The following L2HGDH variants were observed in gnomAD, a reference collection of about 807,000 sequenced individuals.
The protein encoded by L2HGDH is L-2-hydroxyglutarate dehydrogenase, also known as L-2-hydroxyglutarate dehydrogenase, mitochondrial.
L2HGDH carries 34 observed loss-of-function variants against 51.5 expected under a neutral mutation model. The ratio of observed to expected loss-of-function variants is 0.66; its 90% CI spans 0.50 to 0.88. L2HGDH has a LOEUF of 0.88. Among genes scored for constraint, L2HGDH ranks in the 40% least tolerant of loss-of-function variants. L2HGDH has a pLI of 0.00. For missense variants in L2HGDH, 558 were observed against 571.9 expected (o/e 0.98, Z 0.25); for synonymous variants, 198 against 197.9 (o/e 1.00, Z -0.01).
chr14:50,249,169 C>T (rs1888187256), intron 9 of L2HGDH, among the ~76,000 whole-genome samples: 1 of 152,132 alleles, frequency 6.6e-6, no homozygotes, highest in Admixed American at 6.5e-5. Context: ...CTTGAGTTTC[C>T]CTGCAAGCCT....
intron 1 of L2HGDH, among the ~76,000 whole-genome samples, chr14:50,304,822 G>A (rs1164210907): frequency 2.0e-5 from 3 of 151,952 alleles, no homozygotes; most frequent in Non-Finnish European, 2.9e-5. Context: ...GCGACAGAGC[G>A]AGACTCTGTC....
chr14:50,274,708 T>G (rs989845021), intron 6 of L2HGDH, among the ~76,000 whole-genome samples: 2 of 152,126 alleles, frequency 1.3e-5, no homozygotes, highest in African/African-American at 4.8e-5. Flanking sequence ...AGCCAAGACA[T>G]GAGAACAACG....
Position 50,312,000 on chromosome 14 carries a change from C to A in L2HGDH, c.140+11G>T. On this transcript the variant is annotated intron_variant, in intron 1 of 9. Coordinates refer to ENST00000267436, the MANE Select transcript of L2HGDH (RefSeq NM_024884.3). ...CAGCGCAGGCGGCGGGGAGGACCAG[C>A]GGCCACTCACCTGGTGCTGGCGCTG... 4 of 1,556,298 alleles carry A rather than the reference C, an allele frequency of 2.6e-6. No homozygotes were observed. The highest frequency in any genetic ancestry group is 3.5e-6 in the Non-Finnish European group (4 of 1,153,178).
intron 9 of L2HGDH, among the ~76,000 whole-genome samples, chr14:50,259,231 C>A (rs1325562023): frequency 6.6e-6 from 1 of 151,818 alleles, no homozygotes. Flanking sequence ...CCTACCTCAG[C>A]CTCCCAAGTA....
intron 1 of L2HGDH, among the ~76,000 whole-genome samples, chr14:50,310,432 C>G (rs1313289196): frequency 6.6e-6 from 1 of 152,084 alleles, no homozygotes; most frequent in Non-Finnish European, 1.5e-5. Flanking sequence ...ATAGGCCAGG[C>G]ACGGTGGCTC....
rs1566510998 is a variant in L2HGDH, at chr14:50,265,469, G to C, written c.1085C>G (p.Ser362Cys). Residue 362 changes from serine (S) to cysteine (C), a missense_variant, in exon 9 of 10, where the codon TCC (serine) becomes TGC (cysteine). Physicochemically the swap from Ser to Cys is moderately radical, Grantham distance 112. Transcript: ENST00000267436. ...IINSGLIKLA[S>C]QNFSYGVTEM... Reference sequence around the variant, plus strand: ...AGTAACTCCATAGGAAAAATTCTGGGATGCCAGTTTAATCAAGCCACTGAA... The same window carrying C: ...AGTAACTCCATAGGAAAAATTCTGGCATGCCAGTTTAATCAAGCCACTGAA... The C allele has an allele frequency of 6.2e-7, 1 of 1,613,198 alleles. No homozygotes were observed. The highest frequency in any genetic ancestry group is 1.1e-5 in the South Asian group (1 of 91,046).
At chr14:50,283,131 G>A (rs369477751) in intron 5 of L2HGDH, among the ~76,000 whole-genome samples, 4 of 152,104 alleles carry the variant, frequency 2.6e-5, no homozygotes, top group African/African-American at 4.8e-5. Flanking sequence ...AGCCTGGGAG[G>A]TGAAGGTTAC....
intron 9 of L2HGDH, among the ~76,000 whole-genome samples, chr14:50,260,990 G>A (rs559918633): frequency 1.8e-4 from 28 of 152,122 alleles, no homozygotes; most frequent in Non-Finnish European, 3.4e-4. Context: ...GGTGGCAGGC[G>A]CCTGTAATCC....
chr14:50,269,121 C>G (rs373034406), intron 7 of L2HGDH, 42 bp downstream of exon 7: 2 of 1,515,630 alleles, frequency 1.3e-6, no homozygotes, highest in Admixed American at 3.4e-5. Context: ...ATGACCACCA[C>G]CTGCTTGAAA....
Position 50,245,440 on chromosome 14 carries a change from C to G in L2HGDH, c.*1618G>C, listed in dbSNP as rs1425783200. 6.1e-6 allele frequency: 6 copies of G among 984,560 alleles called. No individual in the cohort carries two copies. Among genetic ancestry groups the G allele is most frequent in the Non-Finnish European group, 7.2e-6 (6 of 829,346 alleles). The allele number at this position is 984,560 out of a possible 1,614,324, so 61.0% of individuals were successfully genotyped here. A position where few individuals can be genotyped will look rare whatever the true frequency, so the allele number is the denominator to read the frequency against. On this transcript the variant is annotated 3_prime_UTR_variant, in exon 10 of 10. Transcript: ENST00000267436. ...TTTAGATTTCATGATGATACCATAC[C>G]ACATCAGTTACAAAGAGACTGGAAA...
chr14:50,259,392 G>A (rs1318345119), intron 9 of L2HGDH, among the ~76,000 whole-genome samples: 2 of 129,252 alleles, frequency 1.5e-5, no homozygotes, highest in Non-Finnish European at 1.6e-5. Flanking sequence ...TTTCAGAAAT[G>A]GGGTCTCACT....
chr14:50,309,096 G>A (rs1179311532), intron 1 of L2HGDH, among the ~76,000 whole-genome samples: 4 of 152,054 alleles, frequency 2.6e-5, no homozygotes, highest in South Asian at 2.1e-4. Flanking sequence ...TTTTTCCCAC[G>A]TCTTGGTAGT....
intron 9 of L2HGDH, among the ~76,000 whole-genome samples, chr14:50,256,077 T>C (rs1356331350): frequency 6.6e-6 from 1 of 152,112 alleles, no homozygotes; most frequent in African/African-American, 2.4e-5. Context: ...TCATGAGAAG[T>C]CTTGTATTAC....
intron 9 of L2HGDH, among the ~76,000 whole-genome samples, chr14:50,250,375 G>A (rs1365716119): frequency 6.6e-6 from 1 of 152,256 alleles, no homozygotes; most frequent in Non-Finnish European, 1.5e-5. Flanking sequence ...GACCAAAGGT[G>A]GTGGTAGCCA....
At chr14:50,270,900 G>A (rs1210716309) in intron 6 of L2HGDH, among the ~76,000 whole-genome samples, 1 of 152,148 alleles carries the variant, frequency 6.6e-6, no homozygotes, top group East Asian at 1.9e-4. Context: ...CCTCTTTTCA[G>A]GAGTTATACA....
intron 4 of L2HGDH, among the ~76,000 whole-genome samples, chr14:50,285,348 T>G (rs1890510899): frequency 6.6e-6 from 1 of 152,242 alleles, no homozygotes; most frequent in Admixed American, 6.5e-5. Context: ...AGTCTCTTTT[T>G]TAACAAATTG....
chr14:50,297,550 C>G (rs1042972699), intron 3 of L2HGDH, among the ~76,000 whole-genome samples: 29 of 152,140 alleles, frequency 1.9e-4, no homozygotes, highest in Admixed American at 1.9e-3. Context: ...AACTACTGAG[C>G]ACTACAGACC....
In L2HGDH at chr14:50,245,600, T is replaced by C; in HGVS notation, c.*1458A>G. The C allele has an allele frequency of 6.2e-6, 6 of 971,118 alleles. No homozygotes were observed. Among genetic ancestry groups the C allele is most frequent in the Non-Finnish European group, 7.3e-6 (6 of 816,912 alleles). 60.2% of individuals were successfully genotyped at this position (971,118 alleles called of 1,614,324 possible). A position where few individuals can be genotyped will look rare whatever the true frequency, so the allele number is the denominator to read the frequency against. On this transcript the variant is annotated 3_prime_UTR_variant, in exon 10 of 10. Coordinates refer to ENST00000267436, the MANE Select transcript of L2HGDH (RefSeq NM_024884.3). ...TGAATTTTTAATTTCCAAATACAAA[T>C]ATTGTTGCTCTAAATAATGTGAGTT...
At chr14:50,283,292 C>A (rs1167170768) in intron 5 of L2HGDH, among the ~76,000 whole-genome samples, 1 of 152,086 alleles carries the variant, frequency 6.6e-6, no homozygotes, top group African/African-American at 2.4e-5. Context: ...GACAAATTTT[C>A]CATAAACAGC....
Sources: gnomAD v4.1 joint callset for allele counts (sites outside exome capture counted in the v4.1 genomes callset) on GRCh38, gnomAD v4.1.1 for gene constraint, MANE v1.5 for transcripts, NCBI Gene and HGNC (gene_info 2026-07-23, HGNC 2026-07-21) for gene names.